Variants in DLG2 observed in about 807,000 individuals in gnomAD.
The protein encoded by DLG2 is disks large homolog 2.
DLG2 carries 45 observed loss-of-function variants against 132.5 expected under a neutral mutation model. The observed-to-expected ratio is 0.34, with a 90% CI of 0.27 to 0.44. The LOEUF is 0.44. DLG2 is among the 20% of genes least tolerant of loss of function. DLG2 has a pLI of 1.00. For missense variants in DLG2, 1,045 were observed against 1,196.9 expected (o/e 0.87, Z 1.87); for synonymous variants, 424 against 419.6 (o/e 1.01, Z -0.13).
At chr11:83,955,199 T>A (rs1242228347) in intron 14 of DLG2, among the ~76,000 whole-genome samples, 2 of 152,272 alleles carry the variant, frequency 1.3e-5, no homozygotes, top group South Asian at 4.1e-4. Flanking sequence ...AAGTATTATT[T>A]TGCCCCTTTT....
chr11:85,574,980 A>G (rs558121679), intron 3 of DLG2, among the ~76,000 whole-genome samples: 25 of 152,190 alleles, frequency 1.6e-4, no homozygotes, highest in Admixed American at 4.6e-4. Context: ...AATCTAAACC[A>G]TAACTATTTC....
intron 15 of DLG2, among the ~76,000 whole-genome samples, chr11:83,894,098 T>G (rs1216097762): frequency 2.0e-5 from 3 of 152,220 alleles, no homozygotes; most frequent in African/African-American, 7.2e-5. Context: ...TATTCCAGAA[T>G]TCACTTTACT....
At chr11:84,464,070 T>C (rs559036805) in intron 7 of DLG2, among the ~76,000 whole-genome samples, 15 of 151,338 alleles carry the variant, frequency 9.9e-5, no homozygotes, top group Admixed American at 9.9e-4. Flanking sequence ...ACCCTTGCAA[T>C]GAGTTGGTCA....
chr11:85,203,395 CA>C (rs2081612443), intron 4 of DLG2, among the ~76,000 whole-genome samples: 1 of 151,770 alleles, frequency 6.6e-6, no homozygotes, highest in South Asian at 2.1e-4. Flanking sequence ...CACAGAAATA[CA>C]AAGGATCATT....
rs184912790 is a variant in DLG2, at chr11:84,235,509, A to T, written c.573+15729T>A. ...CAGTGAGACATGATAGCACCACTGT[A>T]CTCTAGTCTAGGTGACAGAGGGAGA... is the stretch of plus-strand genomic sequence containing the variant. On this transcript the variant is annotated intron_variant, in intron 8 of 27. Transcript: ENST00000376104. Among the ~76,000 whole-genome samples the T allele has an allele frequency of 3.3e-5, 5 of 152,010 alleles. No individual in the cohort carries two copies. In the East Asian group the frequency reaches 9.7e-4, roughly 29 times the overall value.
chr11:84,603,910 T>G (rs1441426866), intron 6 of DLG2, among the ~76,000 whole-genome samples: 1 of 151,872 alleles, frequency 6.6e-6, no homozygotes, highest in Non-Finnish European at 1.5e-5. Flanking sequence ...TAATACACAA[T>G]GATTAGTTTT....
chr11:84,842,272 C>A (rs2080795060), intron 6 of DLG2, among the ~76,000 whole-genome samples: 1 of 151,968 alleles, frequency 6.6e-6, no homozygotes, highest in Admixed American at 6.6e-5. Flanking sequence ...CTTCTCATAA[C>A]AATCTTGCTT....
In DLG2 at chr11:83,541,672, G is replaced by C. The variant is rs1022605576; in HGVS notation, c.2117+10C>G. On this transcript the variant is annotated intron_variant, in intron 20 of 27. Coordinates refer to ENST00000376104, the MANE Select transcript of DLG2 (RefSeq NM_001142699.3). ...ACAAGCAAATATTCTAGTACAAAAGGCATTCTTACCTCCTTTTGCTGGGGA... is the reference window on the plus strand; with the variant it reads ...ACAAGCAAATATTCTAGTACAAAAGCCATTCTTACCTCCTTTTGCTGGGGA... 1 of 1,588,132 alleles carries C rather than the reference G, an allele frequency of 6.3e-7. No individual in the cohort carries two copies. Among genetic ancestry groups the C allele is most frequent in the Non-Finnish European group, 8.6e-7 (1 of 1,167,718 alleles).
At chr11:85,593,557 T>A (rs762889562) in intron 3 of DLG2, among the ~76,000 whole-genome samples, 4 of 152,044 alleles carry the variant, frequency 2.6e-5, no homozygotes, top group Non-Finnish European at 4.4e-5. Context: ...TTTAAATGGG[T>A]TAACAAAAAA....
intron 19 of DLG2, among the ~76,000 whole-genome samples, chr11:83,614,179 G>T (rs985716479): frequency 6.6e-6 from 1 of 152,068 alleles, no homozygotes; most frequent in African/African-American, 2.4e-5. Flanking sequence ...TTTATTATTG[G>T]TCCCTCCACT....
At chr11:83,593,838 C>CT (rs2097237294) in intron 19 of DLG2, among the ~76,000 whole-genome samples, 1 of 151,092 alleles carries the variant, frequency 6.6e-6, no homozygotes, top group Non-Finnish European at 1.5e-5. Context: ...ATTCTCACTG[C>CT]TTGAAAAAAA....
At chr11:84,588,369 T>A in intron 6 of DLG2, among the ~76,000 whole-genome samples, 1 of 152,178 alleles carries the variant, frequency 6.6e-6, no homozygotes, top group East Asian at 1.9e-4. Context: ...TGAATCATCA[T>A]TCTTTTGTAT....
In DLG2 at chr11:84,923,043, T is replaced by C. The variant is rs200046107; in HGVS notation, c.357+188618A>G. The C allele has an allele frequency of 1.4e-4, 221 of 1,613,426 alleles. 1 individual carries two copies. In the African/African-American group the frequency reaches 2.2e-3, roughly 16 times the overall value. ...TTTTCTGCAGCTGGTTTAACATGTATATTGTGCCCAGTTGCCGGCTCGCCT... is the reference window on the plus strand; with the variant it reads ...TTTTCTGCAGCTGGTTTAACATGTACATTGTGCCCAGTTGCCGGCTCGCCT... On this transcript the variant is annotated intron_variant, in intron 6 of 27. Coordinates refer to ENST00000376104, the MANE Select transcript of DLG2 (RefSeq NM_001142699.3).
intron 8 of DLG2, among the ~76,000 whole-genome samples, chr11:84,233,605 G>A (rs1333519329): frequency 1.3e-5 from 2 of 152,036 alleles, no homozygotes; most frequent in Non-Finnish European, 2.9e-5. Context: ...ATTAGGGTGG[G>A]GCCTACAAAA....
chr11:85,611,811 G>A (rs1337587921), intron 2 of DLG2, among the ~76,000 whole-genome samples: 2 of 152,218 alleles, frequency 1.3e-5, no homozygotes, highest in Admixed American at 1.3e-4. Flanking sequence ...ATTGCACTCA[G>A]TGCAAAAACC....
At chr11:85,300,221 A>ATT (rs1386427255) in intron 3 of DLG2, among the ~76,000 whole-genome samples, 2 of 152,206 alleles carry the variant, frequency 1.3e-5, no homozygotes, top group Non-Finnish European at 2.9e-5. Context: ...GGGAAGAGAT[A>ATT]TTTGATAAAT....
At chr11:83,805,406 T>C (rs1393140201) in intron 17 of DLG2, among the ~76,000 whole-genome samples, 1 of 151,830 alleles carries the variant, frequency 6.6e-6, no homozygotes, top group Non-Finnish European at 1.5e-5. Flanking sequence ...TTTTGATATA[T>C]CATGACATAA....
chr11:85,052,853 C>T (rs2063032775), intron 6 of DLG2, among the ~76,000 whole-genome samples: 1 of 152,156 alleles, frequency 6.6e-6, no homozygotes, highest in Non-Finnish European at 1.5e-5. Context: ...AATGGAAATT[C>T]TTCAGACCCT....
At chr11:84,175,474 A>G (rs1417897131) in intron 8 of DLG2, among the ~76,000 whole-genome samples, 1 of 152,008 alleles carries the variant, frequency 6.6e-6, no homozygotes, top group African/African-American at 2.4e-5. Context: ...AAATCTTACC[A>G]CTGTCAGTTT....
Sources: gnomAD v4.1 joint callset for allele counts (sites outside exome capture counted in the v4.1 genomes callset) on GRCh38, gnomAD v4.1.1 for gene constraint, MANE v1.5 for transcripts, NCBI Gene and HGNC (gene_info 2026-07-23, HGNC 2026-07-21) for gene names.